Variants in ST6GALNAC3 observed in about 807,000 individuals in gnomAD.
ST6GALNAC3 encodes alpha-N-acetylgalactosaminide alpha-2,6-sialyltransferase 3.
In ST6GALNAC3, 25 loss-of-function variants were observed where a neutral mutation model predicts 32.7. That is an observed-to-expected ratio of 0.76 (90% confidence interval 0.56 to 1.07). The LOEUF (loss-of-function observed/expected upper bound fraction) is 1.07, where lower values mean the gene tolerates loss of function less well. Ranked by LOEUF, ST6GALNAC3 falls within the 50% of genes least tolerant of loss-of-function variation. The pLI is 0.00. For missense variants in ST6GALNAC3, 355 were observed against 382.4 expected (o/e 0.93, Z 0.60); for synonymous variants, 129 against 133.1 (o/e 0.97, Z 0.21).
chr1:76,169,035 T>C (rs1652306504), intron 1 of ST6GALNAC3, among the ~76,000 whole-genome samples: 1 of 152,186 alleles, frequency 6.6e-6, no homozygotes, highest in South Asian at 2.1e-4. Flanking sequence ...TTTATGTGAT[T>C]GTTTTATAGT....
At chr1:76,171,282 T>G (rs377554199) in intron 1 of ST6GALNAC3, among the ~76,000 whole-genome samples, 1 of 152,092 alleles carries the variant, frequency 6.6e-6, no homozygotes, top group African/African-American at 2.4e-5. Flanking sequence ...CTGTATTAAA[T>G]TTAAAAAACA....
At chr1:76,091,926 A>G (rs147586988) in intron 1 of ST6GALNAC3, among the ~76,000 whole-genome samples, 4 of 152,348 alleles carry the variant, frequency 2.6e-5, no homozygotes, top group Non-Finnish European at 4.4e-5. Flanking sequence ...GTTAAAGCTT[A>G]TAACAACACT....
chr1:76,514,024 A>G (rs987626746), intron 3 of ST6GALNAC3, among the ~76,000 whole-genome samples: 6 of 152,150 alleles, frequency 3.9e-5, no homozygotes, highest in African/African-American at 9.7e-5. Flanking sequence ...CTGTGACTTC[A>G]CTGAATTCAT....
chr1:76,163,062 G>T (rs989592412), intron 1 of ST6GALNAC3, among the ~76,000 whole-genome samples: 3 of 152,164 alleles, frequency 2.0e-5, no homozygotes, highest in African/African-American at 7.2e-5. Context: ...CCCTCTCAGG[G>T]TGCTGAATCC....
intron 3 of ST6GALNAC3, among the ~76,000 whole-genome samples, chr1:76,616,966 C>T (rs1173559771): frequency 1.3e-5 from 2 of 152,134 alleles, no homozygotes; most frequent in African/African-American, 2.4e-5. Flanking sequence ...ATGTGTGGCT[C>T]ATTGCTTAGG....
At chr1:76,217,873 T>G (rs1161673752) in intron 1 of ST6GALNAC3, among the ~76,000 whole-genome samples, 2 of 152,240 alleles carry the variant, frequency 1.3e-5, no homozygotes, top group African/African-American at 4.8e-5. Flanking sequence ...CTGAGTAGTA[T>G]TCTATGGTAT....
intron 1 of ST6GALNAC3, among the ~76,000 whole-genome samples, chr1:76,108,214 C>G (rs1647672584): frequency 6.6e-6 from 1 of 152,154 alleles, no homozygotes; most frequent in African/African-American, 2.4e-5. Context: ...GCTGTTCTCT[C>G]TGAGTGCATT....
chr1:76,609,275 A>G (rs1302233767), intron 3 of ST6GALNAC3, among the ~76,000 whole-genome samples: 2 of 151,968 alleles, frequency 1.3e-5, no homozygotes, highest in Non-Finnish European at 2.9e-5. Context: ...AATTTCCAGG[A>G]CCTTAATGAA....
chr1:76,634,064 C>A lies in ST6GALNAC3; in HGVS notation c.*5258C>A. 1.7e-6 allele frequency: 1 copy of A among 602,864 alleles called. No individual in the cohort carries two copies. The highest frequency in any genetic ancestry group is 2.1e-6 in the Non-Finnish European group (1 of 481,292). The allele number at this position is 602,864 out of a possible 1,614,324, so 37.3% of individuals were successfully genotyped here. A position where few individuals can be genotyped will look rare whatever the true frequency, so the allele number is the denominator to read the frequency against. On this transcript the variant is annotated 3_prime_UTR_variant, in exon 5 of 5. Transcript: ENST00000328299. ...TTTCTTTTTTTTTTTCAGTTAACTA[C>A]TTGTTTGTTTCTTTTCAGAATAGGC...
At chr1:76,129,534 C>T (rs1171829832) in intron 1 of ST6GALNAC3, among the ~76,000 whole-genome samples, 1 of 152,134 alleles carries the variant, frequency 6.6e-6, no homozygotes, top group African/African-American at 2.4e-5. Flanking sequence ...TCCTTCTTTA[C>T]GTCCCTTCTT....
chr1:76,247,571 T>A (rs1657344512), intron 1 of ST6GALNAC3, among the ~76,000 whole-genome samples: 1 of 152,116 alleles, frequency 6.6e-6, no homozygotes. Flanking sequence ...TGCTTTGCCA[T>A]GCTGTGGTGA....
At chr1:76,419,045 G>GCACACACA (rs147952829) in intron 3 of ST6GALNAC3, among the ~76,000 whole-genome samples, 201 of 148,966 alleles carry the variant, frequency 1.3e-3, no homozygotes, top group Non-Finnish European at 2.0e-3. Context: ...ACCCTCATGT[G>GCACACACA]CACACACACA....
intron 3 of ST6GALNAC3, among the ~76,000 whole-genome samples, chr1:76,576,160 C>T (rs1251588003): frequency 1.3e-5 from 2 of 152,036 alleles, no homozygotes; most frequent in Middle Eastern, 3.4e-3. Flanking sequence ...CTCTGTTCCT[C>T]CCCTAGAAAC....
chr1:76,258,581 T>C (rs933113307), intron 1 of ST6GALNAC3, among the ~76,000 whole-genome samples: 6 of 152,282 alleles, frequency 3.9e-5, no homozygotes, highest in African/African-American at 9.6e-5. Flanking sequence ...CATTCTAGAA[T>C]GTCAACTTTC....
intron 1 of ST6GALNAC3, among the ~76,000 whole-genome samples, chr1:76,223,111 A>T (rs1031773691): frequency 1.3e-5 from 2 of 152,162 alleles, no homozygotes; most frequent in Admixed American, 6.6e-5. Context: ...CTGTATCACT[A>T]TTCAAAATAA....
chr1:76,560,554 T>C (rs958394563), intron 3 of ST6GALNAC3, among the ~76,000 whole-genome samples: 1 of 152,092 alleles, frequency 6.6e-6, no homozygotes, highest in African/African-American at 2.4e-5. Context: ...AAGGAAGACA[T>C]ACAAATGGCA....
At chr1:76,375,150 T>C (rs936668094) in intron 2 of ST6GALNAC3, among the ~76,000 whole-genome samples, 2 of 152,244 alleles carry the variant, frequency 1.3e-5, no homozygotes, top group African/African-American at 4.8e-5. Context: ...CCCATTAGAG[T>C]ATACCCCATG....
chr1:76,155,359 C>T (rs1347329261), intron 1 of ST6GALNAC3, among the ~76,000 whole-genome samples: 1 of 152,224 alleles, frequency 6.6e-6, no homozygotes, highest in Non-Finnish European at 1.5e-5. Context: ...TTACTATGTG[C>T]CAGGCATGGG....
At chr1:76,583,696 G>A (rs1208281277) in intron 3 of ST6GALNAC3, among the ~76,000 whole-genome samples, 6 of 152,148 alleles carry the variant, frequency 3.9e-5, no homozygotes, top group African/African-American at 7.2e-5. Flanking sequence ...TGCTTAGGAC[G>A]CTGTGTGATG....
Sources: gnomAD v4.1 joint callset for allele counts (sites outside exome capture counted in the v4.1 genomes callset) on GRCh38, gnomAD v4.1.1 for gene constraint, MANE v1.5 for transcripts, NCBI Gene and HGNC (gene_info 2026-07-23, HGNC 2026-07-21) for gene names.